CHAF1A: variants seen among roughly 807,000 people sequenced by gnomAD.
CHAF1A encodes the protein chromatin assembly factor 1 subunit A.
Under a neutral mutation model 93.2 loss-of-function variants are expected in CHAF1A, and 5 were observed. The observed-to-expected ratio is 0.05, with a 90% CI of 0.03 to 0.11. The LOEUF (loss-of-function observed/expected upper bound fraction) is 0.11, where lower values mean the gene tolerates loss of function less well. Ranked by LOEUF, CHAF1A falls within the 10% of genes least tolerant of loss-of-function variation. The pLI is 1.00. For synonymous variants in CHAF1A, 504 were observed against 510.3 expected (o/e 0.99, Z 0.17); for missense variants, 1,102 against 1,259.9 (o/e 0.87, Z 1.90).
downstream of CHAF1A, among the ~76,000 whole-genome samples, chr19:4,444,331 G>A (rs566971920): frequency 3.3e-5 from 5 of 152,212 alleles, no homozygotes; most frequent in South Asian, 2.1e-4. Context: ...CTTCCACACT[G>A]CAGGGCAGAG....
At chr19:4,412,413 G>A (rs1257354481) in intron 3 of CHAF1A, among the ~76,000 whole-genome samples, 8 of 152,200 alleles carry the variant, frequency 5.3e-5, no homozygotes, top group Admixed American at 2.0e-4. Context: ...GTATGGTGAC[G>A]CTTGCCTGTA....
At chr19:4,418,357 T>TA (rs1333673845) in intron 4 of CHAF1A, among the ~76,000 whole-genome samples, 1 of 152,086 alleles carries the variant, frequency 6.6e-6, no homozygotes, top group East Asian at 1.9e-4. Flanking sequence ...TATCCCATTG[T>TA]AGCTTCAAAT....
chr19:4,433,534 G>T lies in CHAF1A; in HGVS notation c.2668G>T (p.Gly890Cys). ...ATTCATGAAGAAGCGCAGGCACGACGGCCAGGTGAGGTGGGGTGGGCAGGT... is the reference window on the plus strand; with the variant it reads ...ATTCATGAAGAAGCGCAGGCACGACTGCCAGGTGAGGTGGGGTGGGCAGGT... ...TQFMKKRRHD[G>C]QIGAEDMDGF... The change falls in exon 13 of 15, where the codon GGC becomes TGC. Residue 890 changes from glycine to cysteine, a missense_variant. Coordinates refer to ENST00000301280, the MANE Select transcript of CHAF1A (RefSeq NM_005483.3). The surrounding 1 kb of genome is among the most constrained non-coding windows in gnomAD (Gnocchi z 5.6). The T allele has an allele frequency of 6.4e-7, 1 of 1,572,672 alleles. No homozygotes were observed. Among genetic ancestry groups the T allele is most frequent in the Non-Finnish European group, 8.7e-7 (1 of 1,150,612 alleles).
chr19:4,431,900 G>A (rs148990773), intron 11 of CHAF1A, 52 bp from the exon 12 acceptor site: 25 of 1,551,518 alleles, frequency 1.6e-5, no homozygotes, highest in African/African-American at 4.1e-5. Context: ...AAGAGTGCCC[G>A]GGCATAGGGG....
In CHAF1A at chr19:4,422,563, T is replaced by C; in HGVS notation, c.1018-3T>C. ...ACCTGTCACTTGCCACACTGTCTTG[T>C]AGGATCAGGAGCGTCTGGGCAAGCA... On this transcript the variant is annotated splice_region_variant and splice_polypyrimidine_tract_variant and intron_variant, in intron 4 of 14. Transcript: ENST00000301280. The surrounding 1 kb of genome is among the most constrained non-coding windows in gnomAD (Gnocchi z 4.6). 6.4e-7 allele frequency: 1 copy of C among 1,561,288 alleles called. No homozygotes were observed. The highest frequency in any genetic ancestry group is 8.7e-7 in the Non-Finnish European group (1 of 1,152,410).
At chr19:4,421,969 G>A (rs1291196137) in intron 4 of CHAF1A, among the ~76,000 whole-genome samples, 2 of 151,580 alleles carry the variant, frequency 1.3e-5, no homozygotes, top group African/African-American at 2.4e-5. Context: ...AGCCTCCTGA[G>A]TAGCTGGGAC....
At chr19:4,446,579 G>T, downstream of CHAF1A, 1 of 1,612,636 alleles carries the variant, frequency 6.2e-7, no homozygotes, top group Non-Finnish European at 8.5e-7. Flanking sequence ...GAGGCCAGGG[G>T]CGAGGGCTGG....
At chr19:4,439,606 C>T (rs1164484989) in intron 13 of CHAF1A, among the ~76,000 whole-genome samples, 3 of 152,214 alleles carry the variant, frequency 2.0e-5, no homozygotes, top group Non-Finnish European at 4.4e-5. Context: ...GGCCCAGTGA[C>T]TTGAGGTGGC....
chr19:4,436,637 G>T (rs243374), intron 13 of CHAF1A, among the ~76,000 whole-genome samples: 49,580 of 152,016 alleles, frequency 0.33, 8,538 homozygotes, highest in East Asian at 0.59. Flanking sequence ...GGCCTTTGCT[G>T]ATCAGCCCTC....
At chr19:4,427,622 C>G (rs1022648312) in intron 7 of CHAF1A, among the ~76,000 whole-genome samples, 6 of 151,942 alleles carry the variant, frequency 3.9e-5, no homozygotes, top group African/African-American at 1.2e-4. Flanking sequence ...GAGTCTTGCT[C>G]TATCCCCCAG....
chr19:4,419,509 A>T (rs1460965467), intron 4 of CHAF1A, among the ~76,000 whole-genome samples: 2 of 151,908 alleles, frequency 1.3e-5, no homozygotes, highest in Non-Finnish European at 2.9e-5. Context: ...GGCTCACTGC[A>T]GCCTCTACCT....
chr19:4,421,548 A>C (rs1002761248), intron 4 of CHAF1A, among the ~76,000 whole-genome samples: 1 of 152,132 alleles, frequency 6.6e-6, no homozygotes, highest in Admixed American at 6.5e-5. Flanking sequence ...AGGCTAAGGC[A>C]GAAGGATTGT....
At position 4,422,493 on chromosome 19, in the gene CHAF1A, C is replaced by G; in HGVS notation, c.1018-73C>G. The stretch of plus-strand genomic sequence containing the variant: ...CATCCCGTCCAGGCCGTGCTGTCCT[C>G]CATGCTGTGAACCGAGCTTCCTCCT... On this transcript the variant is annotated intron_variant, in intron 4 of 14. Transcript: ENST00000301280. This position sits in a 1 kb window ranked among gnomAD's most constrained non-coding sequence, Gnocchi z 4.6. 1 of 1,361,534 alleles carries G rather than the reference C, an allele frequency of 7.3e-7. No homozygotes were observed. Among genetic ancestry groups the G allele is most frequent in the Non-Finnish European group, 1.0e-6 (1 of 978,280 alleles). The allele number at this position is 1,361,534 out of a possible 1,614,324, so 84.3% of individuals were successfully genotyped here. A position where few individuals can be genotyped will look rare whatever the true frequency, so the allele number is the denominator to read the frequency against.
At chr19:4,406,054 G>A (rs1365659778) in intron 2 of CHAF1A, 92 bp downstream of exon 2, 3 of 1,023,632 alleles carry the variant, frequency 2.9e-6, no homozygotes, top group Non-Finnish European at 4.6e-6. Context: ...TGGAGCTAGA[G>A]GGGAGAGAAA....
At chr19:4,416,000 C>T (rs1037990969) in intron 3 of CHAF1A, among the ~76,000 whole-genome samples, 3 of 152,000 alleles carry the variant, frequency 2.0e-5, no homozygotes, top group Admixed American at 2.0e-4. Flanking sequence ...GGTGAAACCC[C>T]ATCTCTACTA....
At chr19:4,406,158 T>G (rs1236239554) in intron 2 of CHAF1A, among the ~76,000 whole-genome samples, 196 bp downstream of exon 2, 2 of 152,226 alleles carry the variant, frequency 1.3e-5, no homozygotes, top group Non-Finnish European at 2.9e-5. Context: ...CCTCCACTTA[T>G]GCACGATTGG....
At chr19:4,445,628 G>A (rs369250495), downstream of CHAF1A, 47 of 1,612,024 alleles carry the variant, frequency 2.9e-5, no homozygotes, top group East Asian at 2.5e-4. Context: ...GGGCACCTGC[G>A]GTAGGGGTAG....
At chr19:4,430,264 G>A in intron 10 of CHAF1A, 1 of 380,006 alleles carries the variant, frequency 2.6e-6, no homozygotes, top group Non-Finnish European at 4.9e-6. Flanking sequence ...TGCAACCTCT[G>A]CCTCCCAGGC....
intron 13 of CHAF1A, among the ~76,000 whole-genome samples, chr19:4,438,705 C>T (rs951133649): frequency 2.0e-5 from 3 of 150,472 alleles, no homozygotes; most frequent in African/African-American, 7.3e-5. Context: ...CATAGATGGC[C>T]GGGTGTGGTG....
Sources: gnomAD v4.1 joint callset for allele counts (sites outside exome capture counted in the v4.1 genomes callset) on GRCh38, gnomAD v4.1.1 for gene constraint, Gnocchi (gnomAD v3.1) non-coding constraint, MANE v1.5 for transcripts, NCBI Gene and HGNC (gene_info 2026-07-23, HGNC 2026-07-21) for gene names.